The following HEMK2 variants were observed in gnomAD, a reference collection of about 807,000 sequenced individuals.
The protein encoded by HEMK2 is HemK methyltransferase 2, ETF1 glutamine and histone H4 lysine.
At chr21:28,773,170 G>A in the HEMK2 span, among the ~76,000 whole-genome samples, 1 of 152,086 alleles carries the variant, frequency 6.6e-6, no homozygotes, top group Non-Finnish European at 1.5e-5. Flanking sequence ...AACATTTTCT[G>A]ATGCAAATAT....
chr21:28,884,781 T>A, the HEMK2 span, among the ~76,000 whole-genome samples: 1 of 152,236 alleles, frequency 6.6e-6, no homozygotes, highest in Non-Finnish European at 1.5e-5. Context: ...TCATGTTTGT[T>A]AAGGGTGCTT....
At chr21:28,872,036 G>A in the HEMK2 span, among the ~76,000 whole-genome samples, 1 of 152,124 alleles carries the variant, frequency 6.6e-6, no homozygotes, top group East Asian at 1.9e-4. Flanking sequence ...CATATTCACA[G>A]GTTTCAGTTG....
the HEMK2 span, among the ~76,000 whole-genome samples, chr21:28,795,618 T>C: frequency 1.3e-5 from 2 of 152,310 alleles, no homozygotes; most frequent in South Asian, 4.1e-4. Context: ...CAGGAAAAAC[T>C]ACACAGAACA....
At chr21:28,813,433 C>T in the HEMK2 span, among the ~76,000 whole-genome samples, 1 of 152,114 alleles carries the variant, frequency 6.6e-6, no homozygotes, top group African/African-American at 2.4e-5. Context: ...AGAGAGGACA[C>T]AAACAAATGG....
chr21:28,883,724 T>C, the HEMK2 span, among the ~76,000 whole-genome samples: 1 of 152,152 alleles, frequency 6.6e-6, no homozygotes, highest in Non-Finnish European at 1.5e-5. Context: ...ATCTTGGAAG[T>C]TGCTTCTTTT....
chr21:28,775,635 T>C, the HEMK2 span, among the ~76,000 whole-genome samples: 1 of 152,218 alleles, frequency 6.6e-6, no homozygotes, highest in Admixed American at 6.5e-5. Context: ...ATGCTTTTTT[T>C]CCCCCAACAA....
chr21:28,789,554 A>T, the HEMK2 span, among the ~76,000 whole-genome samples: 3 of 152,224 alleles, frequency 2.0e-5, no homozygotes. Context: ...TAAAATCTAC[A>T]TTGCTAACTA....
the HEMK2 span, among the ~76,000 whole-genome samples, chr21:28,628,600 C>T: frequency 6.6e-6 from 1 of 152,160 alleles, no homozygotes; most frequent in African/African-American, 2.4e-5. Flanking sequence ...TTACAGGTGC[C>T]TGCCATCACA....
chr21:28,830,965 T>C, the HEMK2 span, among the ~76,000 whole-genome samples: 1 of 151,958 alleles, frequency 6.6e-6, no homozygotes, highest in African/African-American at 2.4e-5. Flanking sequence ...TATCCATCTG[T>C]AGAAAATTTT....
chr21:28,739,116 T>G, the HEMK2 span, among the ~76,000 whole-genome samples: 1 of 152,212 alleles, frequency 6.6e-6, no homozygotes, highest in African/African-American at 2.4e-5. Flanking sequence ...ACAGATACCC[T>G]TTTGAGAAAT....
the HEMK2 span, among the ~76,000 whole-genome samples, chr21:28,869,594 G>C: frequency 2.6e-5 from 4 of 152,272 alleles, no homozygotes; most frequent in Admixed American, 2.0e-4. Context: ...GCTACTTCCA[G>C]GACTGGCTCG....
the HEMK2 span, among the ~76,000 whole-genome samples, chr21:28,836,943 G>A: frequency 6.6e-6 from 1 of 152,140 alleles, no homozygotes; most frequent in Admixed American, 6.5e-5. Flanking sequence ...AATGGTAAAA[G>A]GCCTTGTCCA....
At chr21:28,766,283 C>A in the HEMK2 span, among the ~76,000 whole-genome samples, 1 of 151,338 alleles carries the variant, frequency 6.6e-6, no homozygotes, top group Non-Finnish European at 1.5e-5. Flanking sequence ...TGGACATGTA[C>A]CCTAGAACTT....
chr21:28,851,006 A>G, the HEMK2 span, among the ~76,000 whole-genome samples: 8 of 128,062 alleles, frequency 6.2e-5, no homozygotes, highest in South Asian at 1.8e-3. Context: ...CTGATAACGG[A>G]ATGATGCTGT....
At chr21:28,622,982 A>C in the HEMK2 span, among the ~76,000 whole-genome samples, 2 of 152,210 alleles carry the variant, frequency 1.3e-5, no homozygotes, top group African/African-American at 4.8e-5. Context: ...AAATTGACAA[A>C]TGGGATCGAA....
At chr21:28,628,422 T>C in the HEMK2 span, among the ~76,000 whole-genome samples, 4 of 152,200 alleles carry the variant, frequency 2.6e-5, no homozygotes, top group Admixed American at 6.5e-5. Flanking sequence ...TGATATTCTT[T>C]GGAGTTCAGA....
chr21:28,577,847 CAA>C, the HEMK2 span, among the ~76,000 whole-genome samples: 1 of 152,154 alleles, frequency 6.6e-6, no homozygotes, highest in African/African-American at 2.4e-5. Flanking sequence ...CAATATTACC[CAA>C]GTCAGTCCAT....
At chr21:28,655,861 A>G in the HEMK2 span, among the ~76,000 whole-genome samples, 1 of 152,080 alleles carries the variant, frequency 6.6e-6, no homozygotes, top group South Asian at 2.1e-4. Flanking sequence ...CTGCATTTAT[A>G]TAAGAAATAA....
chr21:28,871,422 A>G, the HEMK2 span, among the ~76,000 whole-genome samples: 30 of 152,184 alleles, frequency 2.0e-4, no homozygotes, highest in Non-Finnish European at 4.0e-4. Flanking sequence ...ACTCACTATC[A>G]CGACAACAGC....
Sources: allele counts gnomAD v4.1 joint callset (sites outside exome capture counted in the v4.1 genomes callset), GRCh38; gene constraint gnomAD v4.1.1; transcripts MANE v1.5; gene names NCBI Gene and HGNC (gene_info 2026-07-23, HGNC 2026-07-21).